The following MCF2L variants were observed in gnomAD, a reference collection of about 807,000 sequenced individuals.
The protein encoded by MCF2L is MCF.2 cell line derived transforming sequence like, also known as guanine nucleotide exchange factor DBS.
In MCF2L, 97 loss-of-function variants were observed where a neutral mutation model predicts 153.4. That is an observed-to-expected ratio of 0.63 (90% confidence interval 0.54 to 0.75). MCF2L has a LOEUF of 0.75. Among genes scored for constraint, MCF2L ranks in the 30% least tolerant of loss-of-function variants. The pLI is 0.00. For synonymous variants in MCF2L, 659 were observed against 632.2 expected, an observed-to-expected ratio of 1.04 and a Z score of -0.64; for missense variants, 1,347 against 1,495.2, an observed-to-expected ratio of 0.90 and a Z score of 1.64.
chr13:113,079,778 C>CATCCACACAGAGGAGG (rs2033899298), intron 15 of MCF2L, among the ~76,000 whole-genome samples: 2 of 139,610 alleles, frequency 1.4e-5, no homozygotes, highest in Admixed American at 7.2e-5. Flanking sequence ...AGCAGAGGGG[C>CATCCACACAGAGGAGG]GTCTGCACGG....
Position 112,932,577 on chromosome 13 carries a change from G to A in MCF2L, c.169+30206G>A, listed in dbSNP as rs1427503565. Among the ~76,000 whole-genome samples, 1 of 152,166 alleles carries A rather than the reference G, an allele frequency of 6.6e-6. No individual in the cohort carries two copies. The highest frequency in any genetic ancestry group is 1.5e-5 in the Non-Finnish European group (1 of 68,026). Reference sequence around the variant, plus strand: ...AAGATATGAATATTGGAGGACACTGGGGGAGGGGTGTGTGGGAGCCCTGTT... The same window carrying A: ...AAGATATGAATATTGGAGGACACTGAGGGAGGGGTGTGTGGGAGCCCTGTT... On this transcript the variant is annotated intron_variant, in intron 2 of 29. Transcript: ENST00000375608. The surrounding 1 kb of genome is among the most constrained non-coding windows in gnomAD (Gnocchi z 4.6).
intron 5 of MCF2L, among the ~76,000 whole-genome samples, chr13:113,061,898 C>G (rs2031567596): frequency 1.0e-5 from 1 of 96,182 alleles, no homozygotes; most frequent in Non-Finnish European, 2.1e-5. Context: ...CTTCCTCCTC[C>G]TCTCCCCCTA....
intron 1 of MCF2L, among the ~76,000 whole-genome samples, chr13:112,994,278 C>T (rs3011530): frequency 0.21 from 32,137 of 149,924 alleles, 3,958 homozygotes; most frequent in South Asian, 0.34. Context: ...GCGTGGCTGT[C>T]GGCGTGACGG....
At chr13:112,939,781 C>T (rs2081556679) in intron 2 of MCF2L, among the ~76,000 whole-genome samples, 1 of 152,082 alleles carries the variant, frequency 6.6e-6, no homozygotes, top group Admixed American at 6.5e-5. Flanking sequence ...AGTTCGAGAC[C>T]AGCCGGGCCA....
At chr13:112,908,095 C>T (rs1170418977) in intron 2 of MCF2L, among the ~76,000 whole-genome samples, 1 of 152,160 alleles carries the variant, frequency 6.6e-6, no homozygotes, top group Non-Finnish European at 1.5e-5. Context: ...ATATGAACCT[C>T]CAGACATTTG....
intron 1 of MCF2L, among the ~76,000 whole-genome samples, chr13:112,996,853 C>T (rs2083157229): frequency 6.6e-6 from 1 of 152,222 alleles, no homozygotes; most frequent in African/African-American, 2.4e-5. Flanking sequence ...TGCATCTGTG[C>T]ACAGCTGAGC....
intron 26 of MCF2L, among the ~76,000 whole-genome samples, chr13:113,092,826 C>T (rs560890864): frequency 1.3e-4 from 20 of 152,340 alleles, no homozygotes; most frequent in Admixed American, 5.9e-4. Context: ...CTTGATGGCC[C>T]GCAGAGAGGC....
In MCF2L at chr13:113,064,725, G is replaced by A. The variant is rs2032093188; in HGVS notation, c.607-211G>A. On this transcript the variant is annotated intron_variant, in intron 6 of 29. Coordinates refer to ENST00000535094, the MANE Select transcript of MCF2L (RefSeq NM_001112732.3). This position sits in a 1 kb window ranked among gnomAD's most constrained non-coding sequence, Gnocchi z 6.0. ...GGCAGCGCAGGCACAGGCGACTCTAGGTGACGGGCACACGTGTAGAGTGTG... is the reference window on the plus strand; with the variant it reads ...GGCAGCGCAGGCACAGGCGACTCTAAGTGACGGGCACACGTGTAGAGTGTG... 1 of 608,880 alleles carries A rather than the reference G, an allele frequency of 1.6e-6. No homozygotes were observed. The highest frequency in any genetic ancestry group is 2.8e-5 in the East Asian group (1 of 36,180). 37.7% of individuals were successfully genotyped at this position (608,880 alleles called of 1,614,324 possible). A position where few individuals can be genotyped will look rare whatever the true frequency, so the allele number is the denominator to read the frequency against.
intron 1 of MCF2L, among the ~76,000 whole-genome samples, chr13:113,004,784 C>T (rs145908462): frequency 1.6e-4 from 25 of 152,332 alleles, no homozygotes; most frequent in African/African-American, 4.6e-4. Context: ...ACCAAGCACA[C>T]GGACCACGCG....
chr13:112,918,199 T>C lies in MCF2L; in HGVS notation c.169+15828T>C, dbSNP rs115710464. Among the ~76,000 whole-genome samples the C allele has an allele frequency of 5.5e-3, 835 of 152,328 alleles. 7 individuals are homozygous for C. Among genetic ancestry groups the C allele is most frequent in the African/African-American group, 0.019 (810 of 41,570 alleles). The stretch of plus-strand genomic sequence containing the variant: ...GGGAAGGCATCTGCGCGGGAGGAAC[T>C]GAAGCTCCTGAGCGCATGTTAGGGA... On this transcript the variant is annotated intron_variant, in intron 2 of 29. Coordinates refer to the MCF2L transcript ENST00000375608.
intron 5 of MCF2L, among the ~76,000 whole-genome samples, chr13:113,062,045 A>G (rs1053063722): frequency 4.0e-5 from 6 of 150,136 alleles, no homozygotes; most frequent in African/African-American, 1.2e-4. Flanking sequence ...CATGGCACCC[A>G]TGGGGCTCTG....
In MCF2L at chr13:113,027,233, C is replaced by T. The variant is rs1160999435; in HGVS notation, c.278+2475C>T. 1.3e-5 allele frequency among the ~76,000 whole-genome samples: 2 copies of T among 152,182 alleles called. No individual in the cohort carries two copies. Among genetic ancestry groups the T allele is most frequent in the Non-Finnish European group, 1.5e-5 (1 of 68,026 alleles). Reference sequence around the variant, plus strand: ...CCTGGTAACTGAGAGCTCAGCCCGTCGGCCTGACCTGGAAAGCAGCACATT... The same window carrying T: ...CCTGGTAACTGAGAGCTCAGCCCGTTGGCCTGACCTGGAAAGCAGCACATT... On this transcript the variant is annotated intron_variant, in intron 3 of 29. Transcript: ENST00000535094. The surrounding 1 kb of genome is among the most constrained non-coding windows in gnomAD (Gnocchi z 4.8).
At chr13:113,030,875 C>T (rs2085644394) in intron 3 of MCF2L, among the ~76,000 whole-genome samples, 1 of 152,128 alleles carries the variant, frequency 6.6e-6, no homozygotes, top group East Asian at 1.9e-4. Flanking sequence ...CCTGTGTGTC[C>T]AGGCACTGCT....
At chr13:112,968,812 G>A, upstream of MCF2L, 1 of 1,326,272 alleles carries the variant, frequency 7.5e-7, no homozygotes, top group East Asian at 3.1e-5. Context: ...AGGAGGGCGT[G>A]GAGACCCGGA....
At position 113,014,840 on chromosome 13, in the gene MCF2L, C is replaced by G. The variant is rs774507822; in HGVS notation, c.157C>G (p.Leu53Val). 2.5e-6 allele frequency: 4 copies of G among 1,613,804 alleles called. No homozygotes were observed. Among genetic ancestry groups the G allele is most frequent in the Non-Finnish European group, 3.4e-6 (4 of 1,179,956 alleles). The change falls in exon 2 of 30, where the codon CTG (leucine) becomes GTG (valine). Residue 53 changes from leucine (L) to valine (V), a missense_variant. This residue lies in a region of MCF2L where 820 missense variants were observed against 921.2 expected (regional missense o/e 0.89). Transcript: ENST00000535094. ...CCAGCTAAAGAAGCGCTTTGCTTAC[C>G]TGTCCGGTGAGTTCCAGAAGCTGGG... ...QDQLKKRFAY[L>V]SGGRGQDGSP...
At chr13:113,033,237 GAGTGGCCCCCGTGACATT>G (rs1566772610) in intron 3 of MCF2L, among the ~76,000 whole-genome samples, 18 of 87,504 alleles carry the variant, frequency 2.1e-4, no homozygotes, top group East Asian at 5.9e-4. Flanking sequence ...CCCGTGACGT[GAGTGGCCCCCGTGACATT>G]AGTGGACCCC....
intron 4 of MCF2L, among the ~76,000 whole-genome samples, chr13:113,056,414 G>C (rs1176062035): frequency 6.6e-6 from 1 of 150,626 alleles, no homozygotes; most frequent in Non-Finnish European, 1.5e-5. Flanking sequence ...GGCACTGAGT[G>C]GGTGCTGTGT....
chr13:112,954,582 C>T (rs1368986243), intron 2 of MCF2L, among the ~76,000 whole-genome samples: 1 of 152,236 alleles, frequency 6.6e-6, no homozygotes, highest in Non-Finnish European at 1.5e-5. Flanking sequence ...GAGCCTCCCT[C>T]TGTGGCATGG....
chr13:112,934,346 G>C (rs922926167), intron 2 of MCF2L, among the ~76,000 whole-genome samples: 4 of 152,248 alleles, frequency 2.6e-5, no homozygotes, highest in Non-Finnish European at 5.9e-5. Context: ...AGCCAGGCAT[G>C]TGGTCTGCAC....
Sources: allele counts gnomAD v4.1 joint callset (sites outside exome capture counted in the v4.1 genomes callset), GRCh38; gene constraint gnomAD v4.1.1; regional missense constraint gnomAD v4.1.1; non-coding constraint Gnocchi (gnomAD v3.1); transcripts MANE v1.5; gene names NCBI Gene and HGNC (gene_info 2026-07-23, HGNC 2026-07-21).